The following TAF9 variants were observed in gnomAD, a reference collection of about 807,000 sequenced individuals.
TAF9 encodes the protein TATA-box binding protein associated factor 9, also known as transcription initiation factor TFIID subunit 9.
TAF9 carries 10 observed loss-of-function variants against 16.5 expected under a neutral mutation model. The ratio of observed to expected loss-of-function variants is 0.61; its 90% CI spans 0.37 to 1.03. The LOEUF (loss-of-function observed/expected upper bound fraction) is 1.03, where lower values mean the gene tolerates loss of function less well. Among genes scored for constraint, TAF9 ranks in the 50% least tolerant of loss-of-function variants. TAF9 has a pLI of 0.01. For missense variants in TAF9, 288 were observed against 319.1 expected (o/e 0.90, Z 0.74); for synonymous variants, 105 against 120.5 (o/e 0.87, Z 0.84).
Position 69,366,524 on chromosome 5 carries a change from C to T in TAF9, c.-39G>A. 1.9e-6 allele frequency: 3 copies of T among 1,613,990 alleles called. No homozygotes were observed. The highest frequency in any genetic ancestry group is 2.5e-6 in the Non-Finnish European group (3 of 1,179,968). On this transcript the variant is annotated 5_prime_UTR_variant, in exon 2 of 3. In the 5' UTR this introduces an upstream ATG that the reference lacks. Coordinates refer to ENST00000217893, the MANE Select transcript of TAF9 (RefSeq NM_003187.5). ...TTACCTTCTCGAGCTAAATCACCCACATTAATGTATTTCAGTCCTGATTTT... is the reference window on the plus strand; with the variant it reads ...TTACCTTCTCGAGCTAAATCACCCATATTAATGTATTTCAGTCCTGATTTT...
Position 69,364,829 on chromosome 5 carries a change from T to A in TAF9, c.*114A>T, listed in dbSNP as rs1323741425. On this transcript the variant is annotated 3_prime_UTR_variant, in exon 3 of 3. Transcript: ENST00000217893. ...AATTGAAAAGTATGGTAACTGTGTT[T>A]ACTCATTATTATTAGTTTTCTAAAA... 1.1e-6 allele frequency: 1 copy of A among 910,874 alleles called. No homozygotes were observed. The highest frequency in any genetic ancestry group is 1.7e-5 in the African/African-American group (1 of 60,402). The allele number at this position is 910,874 out of a possible 1,614,324, so 56.4% of individuals were successfully genotyped here.
intron 2 of TAF9, 115 bp downstream of exon 2, chr5:69,366,388 T>C: frequency 1.3e-6 from 1 of 771,850 alleles, no homozygotes; most frequent in Non-Finnish European, 2.2e-6. Flanking sequence ...AGAGTATATA[T>C]TCTTTAATGG....
chr5:69,369,232 C>T, intron 1 of TAF9: 1 of 105,476 alleles, frequency 9.5e-6, no homozygotes. Flanking sequence ...CTCCACCCCC[C>T]CCCGCCCCCC....
At chr5:69,369,793 C>T, upstream of TAF9, 2 of 1,366,142 alleles carry the variant, frequency 1.5e-6, no homozygotes, top group Non-Finnish European at 2.0e-6. Flanking sequence ...TTGCGCCGAC[C>T]AGTCTGGAAG....
chr5:69,369,641 G>A (rs1050196522), upstream of TAF9: 2 of 1,563,124 alleles, frequency 1.3e-6, no homozygotes, highest in African/African-American at 2.7e-5. Context: ...CGGCCCAGCC[G>A]CGGCCCACTG....
Position 69,365,062 on chromosome 5 carries a change from T to C in TAF9, c.676A>G (p.Ile226Val), listed in dbSNP as rs780505641. 6.2e-7 allele frequency: 1 copy of C among 1,614,234 alleles called. No homozygotes were observed. The highest frequency in any genetic ancestry group is 8.5e-7 in the Non-Finnish European group (1 of 1,180,026). The change falls in exon 3 of 3, where the codon ATT becomes GTT. Residue 226 changes from isoleucine (I) to valine (V), a missense_variant. Ile to Val is a conservative substitution (Grantham distance 29). Coordinates refer to ENST00000217893, the MANE Select transcript of TAF9 (RefSeq NM_003187.5). The stretch of plus-strand genomic sequence containing the variant: ...TGTGATGACATCATATTAGTGGTAA[T>C]AAGAATGTTTTTGGACCCGATTAAT... ...PSLIGSKNILITTNMMSSQNT... is the reference protein window; with the variant it reads ...PSLIGSKNILVTTNMMSSQNT...
chr5:69,369,336 C>T (rs1662221508), intron 1 of TAF9, 127 bp downstream of exon 1: 3 of 1,052,048 alleles, frequency 2.9e-6, no homozygotes, highest in South Asian at 4.0e-5. Flanking sequence ...CGCTGACAAC[C>T]GCCTCGTGGC....
chr5:69,369,378 G>T lies in TAF9; in HGVS notation c.-111+85C>A, dbSNP rs993007574. ...CCGGCCTCTGAAGAGGGCAGTGAGG[G>T]GCCCCCACCTGGGCGCCCGATGCCC... is the stretch of plus-strand genomic sequence containing the variant. On this transcript the variant is annotated intron_variant, in intron 1 of 2. Coordinates refer to ENST00000217893, the MANE Select transcript of TAF9 (RefSeq NM_003187.5). The T allele has an allele frequency of 7.9e-6, 12 of 1,513,428 alleles. No homozygotes were observed. In the African/African-American group the frequency reaches 1.6e-4, roughly 20 times the overall value. 93.7% of individuals were successfully genotyped at this position (1,513,428 alleles called of 1,614,324 possible).
Sources: gnomAD v4.1 joint callset for allele counts on GRCh38, gnomAD v4.1.1 for gene constraint, MANE v1.5 for transcripts, NCBI Gene and HGNC (gene_info 2026-07-23, HGNC 2026-07-21) for gene names.